Variants in APAF1 observed in about 807,000 individuals in gnomAD.
The protein encoded by APAF1 is apoptotic protease-activating factor 1.
In APAF1, 91 loss-of-function variants were observed where a neutral mutation model predicts 152.4. The observed-to-expected ratio is 0.60, with a 90% CI of 0.50 to 0.71. APAF1 has a LOEUF of 0.71. Ranked by LOEUF, APAF1 falls within the 30% of genes least tolerant of loss-of-function variation. The pLI is 0.00. For synonymous variants in APAF1, 484 were observed against 494.1 expected (o/e 0.98, Z 0.27); for missense variants, 1,283 against 1,472.0 (o/e 0.87, Z 2.10).
At chr12:98,661,552 C>T (rs1487389460) in intron 5 of APAF1, among the ~76,000 whole-genome samples, 6 of 151,996 alleles carry the variant, frequency 3.9e-5, no homozygotes, top group Admixed American at 3.9e-4. Flanking sequence ...TATCGGTTCA[C>T]TGCAACCTCT....
intron 12 of APAF1, among the ~76,000 whole-genome samples, chr12:98,676,665 G>GA (rs2097686884): frequency 1.5e-5 from 1 of 66,058 alleles, no homozygotes; most frequent in Admixed American, 1.4e-4. Flanking sequence ...TTTTTTTTTT[G>GA]AAATGGAGTC....
chr12:98,671,068 A>G lies in APAF1; in HGVS notation c.1590A>G (p.Arg530=), dbSNP rs747875020. ...TGATTCATGAATTTGTGGAATACAG[A>G]CATATACTAGATGAAAAGGTATATA... The part of the protein sequence containing the change: ...AHLIHEFVEY[R]HILDEKDCAV... Residue 530 remains arginine (R), a synonymous_variant, in exon 11 of 27, where the codon AGA becomes AGG. Coordinates refer to ENST00000551964, the MANE Select transcript of APAF1 (RefSeq NM_181861.2). 2.5e-6 allele frequency: 4 copies of G among 1,602,264 alleles called. No individual in the cohort carries two copies. In the Admixed American group the frequency reaches 6.7e-5, roughly 27 times the overall value.
Position 98,689,585 on chromosome 12 carries a change from G to A in APAF1, c.2304+2712G>A, listed in dbSNP as rs1401181953. Among the ~76,000 whole-genome samples the A allele has an allele frequency of 2.6e-5, 4 of 152,056 alleles. No individual in the cohort carries two copies. The South Asian group carries it at 8.3e-4, about 32-fold the overall frequency. ...AGTGATCCTCCTGCCTCAACCGCCT[G>A]AGTAGCTGGGACTTCAGGCGTGTGT... On this transcript the variant is annotated intron_variant, in intron 16 of 26. Coordinates refer to ENST00000551964, the MANE Select transcript of APAF1 (RefSeq NM_181861.2).
At chr12:98,695,063 T>C (rs2097708290) in intron 16 of APAF1, among the ~76,000 whole-genome samples, 1 of 151,976 alleles carries the variant, frequency 6.6e-6, no homozygotes, top group South Asian at 2.1e-4. Context: ...GCATTTTTTT[T>C]CCCTCCCGAG....
At chr12:98,655,766 C>T (rs1202610001) in intron 4 of APAF1, among the ~76,000 whole-genome samples, 2 of 151,072 alleles carry the variant, frequency 1.3e-5, no homozygotes, top group Non-Finnish European at 3.0e-5. Flanking sequence ...GCGCACAGCA[C>T]GTTGCCTGGC....
Position 98,649,527 on chromosome 12 carries a change from A to G in APAF1, c.369A>G (p.Pro123=). The change falls in exon 4 of 27, where the codon CCA becomes CCG. Residue 123 remains proline (P), a synonymous_variant. Transcript: ENST00000551964. ...VLCEGGVPQR[P]VVFVTRKKLV... ...GTGAAGGTGGAGTACCACAGAGGCC[A>G]GTTGTTTTTGTCACAAGGAAGAAGC... 1 of 1,614,242 alleles carries G rather than the reference A, an allele frequency of 6.2e-7. No homozygotes were observed. Among genetic ancestry groups the G allele is most frequent in the Non-Finnish European group, 8.5e-7 (1 of 1,180,036 alleles).
At chr12:98,662,634 A>C (rs1354518481) in intron 6 of APAF1, 41 bp from the exon 7 acceptor site, 1 of 1,610,334 alleles carries the variant, frequency 6.2e-7, no homozygotes, top group African/African-American at 1.3e-5. Flanking sequence ...AATATGTGAC[A>C]TACCAAATTA....
At chr12:98,704,606 C>G (rs2153336803) in intron 18 of APAF1, among the ~76,000 whole-genome samples, 1 of 152,252 alleles carries the variant, frequency 6.6e-6, no homozygotes, top group African/African-American at 2.4e-5. Flanking sequence ...TCTCCTAATT[C>G]TAGGTGCAGC....
chr12:98,669,937 TG>T (rs2097677988), intron 10 of APAF1, among the ~76,000 whole-genome samples: 1 of 143,584 alleles, frequency 7.0e-6, no homozygotes, highest in Non-Finnish European at 1.5e-5. Flanking sequence ...TTCCTGCCCT[TG>T]CCCTTTCTTT....
chr12:98,647,403 C>T (rs541561943), intron 1 of APAF1, among the ~76,000 whole-genome samples: 1 of 151,624 alleles, frequency 6.6e-6, no homozygotes, highest in Non-Finnish European at 1.5e-5. Context: ...GACAGAGTCT[C>T]AGTCTGTCGC....
intron 4 of APAF1, among the ~76,000 whole-genome samples, chr12:98,650,772 C>G (rs1383859653): frequency 1.3e-5 from 2 of 152,122 alleles, no homozygotes; most frequent in African/African-American, 2.4e-5. Flanking sequence ...TTTCAAGTCT[C>G]AGAGCCAAGG....
In APAF1 at chr12:98,727,215, C is replaced by T; in HGVS notation, c.3499C>T (p.Pro1167Ser). Residue 1167 changes from proline (P) to serine (S), a missense_variant, in exon 26 of 27, where the codon CCG becomes TCG. Transcript: ENST00000551964. ...CGGTGAGCTTCTTCATTTGTGTGCT[C>T]CGCTTTCAGAAGAAGGAGCTGCTAC... ...SNGELLHLCA[P>S]LSEEGAATHG... 6.2e-7 allele frequency: 1 copy of T among 1,614,082 alleles called. No individual in the cohort carries two copies. The highest frequency in any genetic ancestry group is 8.5e-7 in the Non-Finnish European group (1 of 1,179,996).
intron 21 of APAF1, among the ~76,000 whole-genome samples, 169 bp from the exon 22 acceptor site, chr12:98,715,258 A>ATATATATATATC (rs2097733139): frequency 8.1e-6 from 1 of 123,176 alleles, no homozygotes; most frequent in Non-Finnish European, 1.8e-5. Flanking sequence ...ATATATATAT[A>ATATATATATATC]TATATATATA....
intron 12 of APAF1, among the ~76,000 whole-genome samples, chr12:98,675,761 C>A (rs578069495): frequency 3.3e-5 from 5 of 152,226 alleles, no homozygotes; most frequent in African/African-American, 1.2e-4. Context: ...AGAACCAATC[C>A]CTCATCAATA....
chr12:98,728,406 A>AG (rs1249353523), intron 26 of APAF1, among the ~76,000 whole-genome samples: 5 of 152,110 alleles, frequency 3.3e-5, no homozygotes, highest in Admixed American at 3.3e-4. Context: ...TTTTCTATGG[A>AG]GGTTATAACT....
chr12:98,683,374 C>T, intron 15 of APAF1, 100 bp downstream of exon 15: 4 of 1,182,622 alleles, frequency 3.4e-6, no homozygotes, highest in Non-Finnish European at 5.0e-6. Flanking sequence ...ACTTTCTGGT[C>T]ACAATGATAG....
intron 5 of APAF1, among the ~76,000 whole-genome samples, chr12:98,661,544 T>C (rs993991516): frequency 2.0e-5 from 3 of 152,080 alleles, no homozygotes; most frequent in Non-Finnish European, 4.4e-5. Context: ...TGGTGCGATA[T>C]CGGTTCACTG....
At chr12:98,724,894 GA>G (rs5800361) in intron 24 of APAF1, among the ~76,000 whole-genome samples, 27,416 of 149,152 alleles carry the variant, frequency 0.18, 3,266 homozygotes, top group African/African-American at 0.35. Context: ...AATATTGAAA[GA>G]AAAAAAAAAT....
intron 16 of APAF1, 126 bp downstream of exon 16, chr12:98,686,999 G>A (rs1448019739): frequency 1.0e-6 from 1 of 966,904 alleles, no homozygotes; most frequent in Non-Finnish European, 1.6e-6. Flanking sequence ...ATTTCCAGGA[G>A]CATATTTAAT....
Sources: gnomAD v4.1 joint callset for allele counts (sites outside exome capture counted in the v4.1 genomes callset) on GRCh38, gnomAD v4.1.1 for gene constraint, MANE v1.5 for transcripts, NCBI Gene and HGNC (gene_info 2026-07-23, HGNC 2026-07-21) for gene names.